TECRL: variants seen among roughly 807,000 people sequenced by gnomAD.
TECRL encodes trans-2,3-enoyl-CoA reductase like.
A neutral mutation model predicts 52.8 loss-of-function variants in TECRL; 63 were observed. The observed-to-expected ratio is 1.19, with a 90% CI of 0.97 to 1.47. TECRL has a LOEUF of 1.47. Ranked by LOEUF, TECRL falls within the 40% of genes most tolerant of loss-of-function variation. TECRL has a pLI of 0.00. For missense variants in TECRL, 482 were observed against 429.6 expected, an observed-to-expected ratio of 1.12 and a Z score of -1.08; for synonymous variants, 164 against 141.9, an observed-to-expected ratio of 1.16 and a Z score of -1.10.
chr4:64,319,705 T>C (rs192042404), intron 4 of TECRL, among the ~76,000 whole-genome samples: 7 of 151,988 alleles, frequency 4.6e-5, no homozygotes, highest in South Asian at 2.1e-4. Flanking sequence ...CCAAATGTAA[T>C]TCAAAGAGTA....
intron 2 of TECRL, among the ~76,000 whole-genome samples, chr4:64,364,981 G>A (rs1046867428): frequency 6.6e-6 from 1 of 151,842 alleles, no homozygotes; most frequent in African/African-American, 2.4e-5. Context: ...CAATAACCCC[G>A]ATGAAGATAT....
chr4:64,379,245 C>CAT (rs1356146859), intron 1 of TECRL, among the ~76,000 whole-genome samples: 1 of 82,164 alleles, frequency 1.2e-5, no homozygotes, highest in African/African-American at 4.4e-5. Flanking sequence ...CACACACACA[C>CAT]ATACACACAC....
At chr4:64,281,382 T>C in intron 10 of TECRL, 92 bp downstream of exon 10, 1 of 762,592 alleles carries the variant, frequency 1.3e-6, no homozygotes, top group African/African-American at 1.8e-5. Context: ...TTTTCCTGTA[T>C]ATATTAATTT....
At chr4:64,394,772 C>T (rs187363481) in intron 1 of TECRL, among the ~76,000 whole-genome samples, 167 of 151,954 alleles carry the variant, frequency 1.1e-3, no homozygotes, top group Admixed American at 7.1e-3. Flanking sequence ...TACTTTACTA[C>T]GTATACAGAT....
At chr4:64,361,503 C>A (rs941609526) in intron 2 of TECRL, among the ~76,000 whole-genome samples, 4 of 152,124 alleles carry the variant, frequency 2.6e-5, no homozygotes, top group Admixed American at 1.3e-4. Context: ...CTTGGACCCT[C>A]CAGCACAGTA....
At position 64,388,259 on chromosome 4, in the gene TECRL, G is replaced by A. The variant is rs565847619; in HGVS notation, c.235-13036C>T. On this transcript the variant is annotated intron_variant, in intron 1 of 11. Coordinates refer to ENST00000381210, the MANE Select transcript of TECRL (RefSeq NM_001010874.5). ...TGCATGTGGATGTCTAGTTGCTCCA[G>A]CACTATTTGATGAAAAGACTATATT... 4.7e-4 allele frequency among the ~76,000 whole-genome samples: 62 copies of A among 130,728 alleles called. 1 individual carries two copies. The Admixed American group carries it at 5.1e-3, about 11-fold the overall frequency. 85.8% of individuals were successfully genotyped at this position (130,728 alleles called of 152,430 possible).
At chr4:64,318,286 A>G (rs1249431306) in intron 4 of TECRL, among the ~76,000 whole-genome samples, 1 of 152,144 alleles carries the variant, frequency 6.6e-6, no homozygotes, top group Non-Finnish European at 1.5e-5. Flanking sequence ...TTTAACAAAA[A>G]CTATCTCTTA....
intron 2 of TECRL, among the ~76,000 whole-genome samples, chr4:64,369,123 G>A (rs959559847): frequency 1.3e-5 from 2 of 152,128 alleles, no homozygotes; most frequent in African/African-American, 4.8e-5. Context: ...TAACACGAAA[G>A]TCATGGGCAA....
At chr4:64,336,830 C>A (rs1405708896) in intron 2 of TECRL, among the ~76,000 whole-genome samples, 2 of 152,176 alleles carry the variant, frequency 1.3e-5, no homozygotes, top group African/African-American at 4.8e-5. Flanking sequence ...GAGTGAGTTT[C>A]TTAATCCTGA....
intron 2 of TECRL, among the ~76,000 whole-genome samples, chr4:64,345,052 AAAC>A (rs1203429310): frequency 6.6e-6 from 1 of 152,178 alleles, no homozygotes; most frequent in Non-Finnish European, 1.5e-5. Flanking sequence ...AAAAGTCAGG[AAAC>A]AACAAGTGCT....
chr4:64,316,328 C>A (rs1717493448), intron 4 of TECRL, among the ~76,000 whole-genome samples: 1 of 151,794 alleles, frequency 6.6e-6, no homozygotes, highest in Non-Finnish European at 1.5e-5. Flanking sequence ...TTCAAGAGAG[C>A]CTACTAGTAT....
intron 1 of TECRL, among the ~76,000 whole-genome samples, chr4:64,394,698 G>A (rs574487253): frequency 4.3e-4 from 65 of 152,184 alleles, no homozygotes; most frequent in Middle Eastern, 3.4e-3. Context: ...ACTACGTGGT[G>A]GAGGAGAGTA....
intron 2 of TECRL, among the ~76,000 whole-genome samples, chr4:64,366,946 C>A (rs1184452855): frequency 2.0e-5 from 3 of 152,036 alleles, no homozygotes; most frequent in Non-Finnish European, 2.9e-5. Context: ...ATGTTCACTG[C>A]AGCACTATTC....
rs115999335 is a variant in TECRL, at chr4:64,322,073, A to G, written c.435+616T>C. ...TAGAAATTGACCCCTATTACTGTTA[A>G]AGTTTGAAACTTGTATCTGTTCTAC... On this transcript the variant is annotated intron_variant, in intron 4 of 11. Coordinates refer to ENST00000381210, the MANE Select transcript of TECRL (RefSeq NM_001010874.5). Among the ~76,000 whole-genome samples the G allele has an allele frequency of 6.6e-3, 1,005 of 152,224 alleles. 8 individuals carry two copies. The highest frequency in any genetic ancestry group is 0.023 in the African/African-American group (954 of 41,544).
At chr4:64,323,909 GAC>G (rs1718076276) in intron 3 of TECRL, among the ~76,000 whole-genome samples, 4 of 152,154 alleles carry the variant, frequency 2.6e-5, no homozygotes, top group Non-Finnish European at 5.9e-5. Flanking sequence ...GTATCTCTTA[GAC>G]ATTCAAGAAA....
chr4:64,409,284 C>G lies in TECRL; in HGVS notation c.68G>C (p.Arg23Pro), dbSNP rs760208676. The G allele has an allele frequency of 6.2e-7, 1 of 1,613,692 alleles. No individual in the cohort carries two copies. The highest frequency in any genetic ancestry group is 1.3e-5 in the African/African-American group (1 of 74,968). The change falls in exon 1 of 12, where the codon CGG (arginine) becomes CCG (proline). Residue 23 changes from arginine (R) to proline (P), a missense_variant. By Grantham distance (103) the Arg-to-Pro change is moderately radical (BLOSUM62 -2). Transcript: ENST00000381210. Reference sequence around the variant, plus strand: ...TCTCATATCATCCTTCAGTATGAACCGTGTAGCTCTTTGGGAAAGTAATGC... The same window carrying G: ...TCTCATATCATCCTTCAGTATGAACGGTGTAGCTCTTTGGGAAAGTAATGC... ...KRALLSQRAT[R>P]FILKDDMRNF...
At chr4:64,384,287 G>T (rs1224301157) in intron 1 of TECRL, among the ~76,000 whole-genome samples, 3 of 152,012 alleles carry the variant, frequency 2.0e-5, no homozygotes, top group African/African-American at 4.8e-5. Flanking sequence ...TTGCTTTGGG[G>T]TGTTCATGCC....
intron 2 of TECRL, among the ~76,000 whole-genome samples, chr4:64,337,902 G>A (rs1199863084): frequency 6.6e-6 from 1 of 152,136 alleles, no homozygotes; most frequent in Non-Finnish European, 1.5e-5. Context: ...AGCAATCAAT[G>A]ACTTTCTTCA....
At chr4:64,380,787 G>T (rs1203130410) in intron 1 of TECRL, among the ~76,000 whole-genome samples, 2 of 152,072 alleles carry the variant, frequency 1.3e-5, no homozygotes, top group Non-Finnish European at 2.9e-5. Context: ...ATGCTGTTTT[G>T]GTTACTATAG....
Sources: allele counts gnomAD v4.1 joint callset (sites outside exome capture counted in the v4.1 genomes callset), GRCh38; gene constraint gnomAD v4.1.1; transcripts MANE v1.5; gene names NCBI Gene and HGNC (gene_info 2026-07-23, HGNC 2026-07-21).